SP100: variants seen among roughly 807,000 people sequenced by gnomAD.
SP100 encodes the protein nuclear autoantigen Sp-100.
Under a neutral mutation model 130.0 loss-of-function variants are expected in SP100, and 84 were observed. That is an observed-to-expected ratio of 0.65 (90% confidence interval 0.54 to 0.77). The LOEUF is 0.77. Ranked by LOEUF, SP100 falls within the 30% of genes least tolerant of loss-of-function variation. The pLI, the probability that SP100 is intolerant of heterozygous loss-of-function variation, is 0.00. For missense variants in SP100, 978 were observed against 1,052.2 expected (o/e 0.93, Z 0.97); for synonymous variants, 331 against 351.7 (o/e 0.94, Z 0.66).
chr2:230,436,059 A>G (rs2063255002), intron 2 of SP100, among the ~76,000 whole-genome samples: 1 of 152,014 alleles, frequency 6.6e-6, no homozygotes, highest in South Asian at 2.1e-4. Flanking sequence ...TACTTACATA[A>G]TAATTTCAGA....
At chr2:230,539,209 A>G (rs1354389796) in intron 24 of SP100, 58 bp from the exon 25 acceptor site, 5 of 1,054,038 alleles carry the variant, frequency 4.7e-6, no homozygotes, top group Non-Finnish European at 7.4e-6. Flanking sequence ...AAAAGGTCAC[A>G]TATTCTAGGG....
At chr2:230,462,664 C>A (rs2064720765) in intron 10 of SP100, 146 bp downstream of exon 10, 2 of 659,934 alleles carry the variant, frequency 3.0e-6, no homozygotes, top group African/African-American at 1.8e-5. Context: ...TTTTACTTGA[C>A]CTTTTTGGAA....
chr2:230,514,603 A>G (rs1690797584), intron 24 of SP100, among the ~76,000 whole-genome samples: 1 of 152,160 alleles, frequency 6.6e-6, no homozygotes, highest in Non-Finnish European at 1.5e-5. Context: ...TCATAGGCCA[A>G]TTTTATTTGC....
At chr2:230,509,478 T>C (rs1172879380) in intron 23 of SP100, 1 of 152,178 alleles carries the variant, frequency 6.6e-6, no homozygotes, top group Non-Finnish European at 1.5e-5. Flanking sequence ...AAATCAAACA[T>C]GTCTACCCAC....
At position 230,446,888 on chromosome 2, in the gene SP100, T is replaced by C. The variant is rs2063733755; in HGVS notation, c.509T>C (p.Leu170Pro). 6.2e-7 allele frequency: 1 copy of C among 1,607,890 alleles called. No homozygotes were observed. The highest frequency in any genetic ancestry group is 1.3e-5 in the African/African-American group (1 of 74,728). The stretch of plus-strand genomic sequence containing the variant: ...AGGGAGGAGAGGTCTGGCCTCCAAC[T>C]AAGTCTTGAACAAGGTAAAAATGAC... ...EEREERSGLQLSLEQGTGENS... is the reference protein window; with the variant it reads ...EEREERSGLQPSLEQGTGENS... The change falls in exon 5 of 29, where the codon CTA (leucine) becomes CCA (proline). Residue 170 changes from leucine (L) to proline (P), a missense_variant. Coordinates refer to ENST00000340126, the MANE Select transcript of SP100 (RefSeq NM_001080391.2).
chr2:230,467,851 A>G (rs2065041367), intron 13 of SP100, among the ~76,000 whole-genome samples: 1 of 152,190 alleles, frequency 6.6e-6, no homozygotes. Context: ...CTGTTTTGTA[A>G]AGAAAAGAAA....
intron 19 of SP100, among the ~76,000 whole-genome samples, chr2:230,501,111 G>A (rs1018517637): frequency 6.6e-5 from 10 of 151,828 alleles, no homozygotes; most frequent in South Asian, 2.1e-4. Context: ...GTGTGGTGGC[G>A]CACACCTATA....
intron 25 of SP100, among the ~76,000 whole-genome samples, chr2:230,539,598 G>A (rs1372659856): frequency 1.3e-5 from 2 of 152,194 alleles, no homozygotes; most frequent in Non-Finnish European, 2.9e-5. Context: ...TCTTCAAGTG[G>A]TTATTGAGTG....
intron 24 of SP100, among the ~76,000 whole-genome samples, chr2:230,526,618 A>G (rs1691440642): frequency 6.6e-6 from 1 of 152,348 alleles, no homozygotes; most frequent in African/African-American, 2.4e-5. Flanking sequence ...AACTTCTCCG[A>G]GCTAAAAGGT....
At chr2:230,524,601 T>C (rs904150453) in intron 24 of SP100, among the ~76,000 whole-genome samples, 5 of 152,152 alleles carry the variant, frequency 3.3e-5, no homozygotes, top group Admixed American at 3.3e-4. Context: ...AAGAATCTTA[T>C]AAACTACTAA....
intron 17 of SP100, among the ~76,000 whole-genome samples, chr2:230,491,831 A>G (rs931125234): frequency 6.6e-6 from 1 of 152,156 alleles, no homozygotes; most frequent in Admixed American, 6.5e-5. Context: ...GTTCGCTCTG[A>G]CCATGTCATT....
At position 230,515,001 on chromosome 2, in the gene SP100, TG is replaced by T. The variant is rs1205681654; in HGVS notation, c.2094+3836del. 4.5e-6 allele frequency: 7 copies of T among 1,565,250 alleles called. No individual in the cohort carries two copies. In the African/African-American group the frequency reaches 9.6e-5, roughly 21 times the overall value. On this transcript the variant is annotated intron_variant, in intron 24 of 28. Coordinates refer to ENST00000340126, the MANE Select transcript of SP100 (RefSeq NM_001080391.2). ...ACAGGCCCTGGGCGACTCTGTACCTTGCTGAGGAAAAATAACTAAACATGGA... is the reference window on the plus strand; with the variant it reads ...ACAGGCCCTGGGCGACTCTGTACCTTCTGAGGAAAAATAACTAAACATGGA...
chr2:230,521,489 T>C (rs1205887074), intron 24 of SP100, among the ~76,000 whole-genome samples: 1 of 152,232 alleles, frequency 6.6e-6, no homozygotes, highest in African/African-American at 2.4e-5. Context: ...GTTTGCTGCA[T>C]GTAGTTACAT....
intron 17 of SP100, among the ~76,000 whole-genome samples, chr2:230,489,744 T>C (rs1027021860): frequency 6.6e-6 from 1 of 152,246 alleles, no homozygotes; most frequent in Non-Finnish European, 1.5e-5. Flanking sequence ...AAAGAACTTC[T>C]TGATTTCTGC....
intron 2 of SP100, among the ~76,000 whole-genome samples, chr2:230,435,363 A>G (rs2063227232): frequency 6.6e-6 from 1 of 152,180 alleles, no homozygotes; most frequent in African/African-American, 2.4e-5. Context: ...TTGCCCATTA[A>G]TATCAGATAT....
intron 5 of SP100, 82 bp from the exon 6 acceptor site, chr2:230,449,004 TAC>T: frequency 1.1e-6 from 1 of 886,642 alleles, no homozygotes; most frequent in East Asian, 2.4e-5. Flanking sequence ...ACTCCTACGT[TAC>T]AGAGACCAAA....
chr2:230,478,463 A>G (rs2065674235), intron 17 of SP100, among the ~76,000 whole-genome samples: 1 of 152,260 alleles, frequency 6.6e-6, no homozygotes, highest in South Asian at 2.1e-4. Context: ...TTAACATAGA[A>G]CAGAACAAAT....
intron 22 of SP100, chr2:230,506,959 T>C (rs1690159578): frequency 6.5e-6 from 1 of 152,858 alleles, no homozygotes; most frequent in South Asian, 2.1e-4. Context: ...GCTTCTCATA[T>C]GAACCCCTTG....
At chr2:230,475,708 T>G (rs2065507454) in intron 17 of SP100, among the ~76,000 whole-genome samples, 1 of 152,218 alleles carries the variant, frequency 6.6e-6, no homozygotes, top group African/African-American at 2.4e-5. Flanking sequence ...TGAGTTAATT[T>G]TTGTATAGGA....
Sources: allele counts gnomAD v4.1 joint callset (sites outside exome capture counted in the v4.1 genomes callset), GRCh38; gene constraint gnomAD v4.1.1; transcripts MANE v1.5; gene names NCBI Gene and HGNC (gene_info 2026-07-23, HGNC 2026-07-21).